CDKL5: variants seen among roughly 807,000 people sequenced by gnomAD.
The protein encoded by CDKL5 is cyclin-dependent kinase-like 5.
CDKL5 carries 8 observed loss-of-function variants against 61.7 expected under a neutral mutation model. The ratio of observed to expected loss-of-function variants is 0.13; its 90% CI spans 0.08 to 0.23. CDKL5 has a LOEUF of 0.23. Among genes scored for constraint, CDKL5 ranks in the 10% least tolerant of loss-of-function variants. The pLI is 1.00. For synonymous variants in CDKL5, 275 were observed against 272.3 expected, an observed-to-expected ratio of 1.01 and a Z score of -0.10; for missense variants, 440 against 734.5, an observed-to-expected ratio of 0.60 and a Z score of 4.63.
intron 16 of CDKL5, among the ~76,000 whole-genome samples, chrX:18,622,087 G>C (rs1301530819): frequency 8.9e-6 from 1 of 111,812 alleles, no homozygotes; most frequent in Non-Finnish European, 1.9e-5. Context: ...TTACTGTAGA[G>C]CAACATTAAA....
At chrX:18,547,138 A>G (rs1056618734) in intron 3 of CDKL5, among the ~76,000 whole-genome samples, 2 of 111,985 alleles carry the variant, frequency 1.8e-5, no homozygotes, top group African/African-American at 6.5e-5. Context: ...GGGCTTGAAA[A>G]ATGTTTATTG....
chrX:18,622,654 G>T (rs1926922876), intron 16 of CDKL5, among the ~76,000 whole-genome samples: 1 of 112,162 alleles, frequency 8.9e-6, no homozygotes, highest in South Asian at 3.7e-4. Flanking sequence ...AAGCTGAGGT[G>T]GATCCTAAAT....
At chrX:18,587,909 T>A (rs763212886) in intron 8 of CDKL5, 45 bp from the exon 9 acceptor site, 8 of 1,102,706 alleles carry the variant, frequency 7.3e-6, no homozygotes, top group Middle Eastern at 2.8e-4. Context: ...ATCAAAACAT[T>A]ATATTTTTTC....
chrX:18,472,779 AT>A (rs1243341979), intron 1 of CDKL5, among the ~76,000 whole-genome samples: 159 of 101,842 alleles, frequency 1.6e-3, no homozygotes, highest in Non-Finnish European at 1.5e-3. Flanking sequence ...ATAGTTTCTG[AT>A]TTTTTTTTTT....
chrX:18,501,001 G>C (rs1375196482), intron 1 of CDKL5, among the ~76,000 whole-genome samples: 1 of 110,455 alleles, frequency 9.1e-6, no homozygotes, highest in African/African-American at 3.3e-5. Flanking sequence ...ATCACACCCG[G>C]CTAATTTTTT....
intron 4 of CDKL5, among the ~76,000 whole-genome samples, chrX:18,569,725 C>A (rs998443246): frequency 9.0e-6 from 1 of 111,468 alleles, no homozygotes; most frequent in Admixed American, 9.6e-5. Context: ...TTTTGACATA[C>A]ATTTGGACCT....
chrX:18,507,634 T>C (rs999476371), intron 2 of CDKL5, among the ~76,000 whole-genome samples: 1 of 110,303 alleles, frequency 9.1e-6, no homozygotes, highest in South Asian at 3.8e-4. Flanking sequence ...TGCAGTGGCA[T>C]GATCTCGGCT....
At position 18,633,417 on chromosome X, in the gene CDKL5, C is replaced by T. The variant is rs1169001224; in HGVS notation, c.*4660C>T. On this transcript the variant is annotated 3_prime_UTR_variant, in exon 18 of 18. Coordinates refer to ENST00000623535, the MANE Select transcript of CDKL5 (RefSeq NM_001323289.2). Reference sequence around the variant, plus strand: ...AGTGTCCTGTCGCTAATTCCCAGGGCCAGAATCTCACAAGAAGATCCTCTC... The same window carrying T: ...AGTGTCCTGTCGCTAATTCCCAGGGTCAGAATCTCACAAGAAGATCCTCTC... 4 of 752,555 alleles carry T rather than the reference C, an allele frequency of 5.3e-6. No individual in the cohort carries two copies. In the African/African-American group the frequency reaches 9.2e-5, roughly 17 times the overall value. The allele number at this position is 752,555 out of a possible 1,213,427, so 62.0% of individuals were successfully genotyped here.
chrX:18,571,732 A>C (rs1925140572), intron 4 of CDKL5, among the ~76,000 whole-genome samples: 1 of 111,316 alleles, frequency 9.0e-6, no homozygotes, highest in Non-Finnish European at 1.9e-5. Flanking sequence ...ACTTAGAAAA[A>C]CAAAATTATA....
intron 1 of CDKL5, among the ~76,000 whole-genome samples, chrX:18,454,203 A>G (rs1280565554): frequency 2.7e-5 from 3 of 111,569 alleles, no homozygotes; most frequent in Non-Finnish European, 5.6e-5. Context: ...GAATGCACAT[A>G]TAACTATTTT....
In CDKL5 at chrX:18,628,354, C is replaced by A. The variant is rs780795025; in HGVS notation, c.2497-17C>A. Reference sequence around the variant, plus strand: ...CTCTAACTTGAATCCTGTGTGCATTCTCATCCTTTCTTTCAGAGCCAGCCA... The same window carrying A: ...CTCTAACTTGAATCCTGTGTGCATTATCATCCTTTCTTTCAGAGCCAGCCA... On this transcript the variant is annotated splice_polypyrimidine_tract_variant and intron_variant, in intron 17 of 17. Coordinates refer to ENST00000623535, the MANE Select transcript of CDKL5 (RefSeq NM_001323289.2). The A allele has an allele frequency of 6.6e-6, 8 of 1,208,582 alleles. No homozygotes were observed. Among genetic ancestry groups the A allele is most frequent in the Non-Finnish European group, 9.0e-6 (8 of 892,481 alleles).
intron 4 of CDKL5, among the ~76,000 whole-genome samples, chrX:18,572,776 A>G (rs933161442): frequency 1.8e-5 from 2 of 111,827 alleles, no homozygotes; most frequent in African/African-American, 6.5e-5. Context: ...TGTATTGATC[A>G]CCTCTCCTTG....
intron 3 of CDKL5, among the ~76,000 whole-genome samples, chrX:18,546,258 C>CTT (rs935420091): frequency 5.3e-4 from 48 of 90,482 alleles, no homozygotes; most frequent in East Asian, 1.0e-3. Context: ...TCTACTTCTT[C>CTT]TTTTTTTTTT....
At chrX:18,458,049 TA>T (rs1932189955) in intron 1 of CDKL5, among the ~76,000 whole-genome samples, 1 of 104,249 alleles carries the variant, frequency 9.6e-6, no homozygotes, top group Admixed American at 1.1e-4. Flanking sequence ...GCCTCCCGAG[TA>T]GCTGGGATTA....
chrX:18,492,249 G>A (rs1487621510), intron 1 of CDKL5, among the ~76,000 whole-genome samples: 2 of 110,872 alleles, frequency 1.8e-5, no homozygotes, highest in African/African-American at 6.6e-5. Context: ...ACTTTTTTAT[G>A]TTTAAGAGCC....
chrX:18,604,223 C>T lies in CDKL5; in HGVS notation c.1299C>T (p.Tyr433=). 2.5e-6 allele frequency: 3 copies of T among 1,211,742 alleles called. No individual in the cohort carries two copies. The highest frequency in any genetic ancestry group is 3.4e-6 in the Non-Finnish European group (3 of 895,300). The change falls in exon 12 of 18, where the codon TAC becomes TAT. Residue 433 remains tyrosine (Y), a synonymous_variant. Coordinates refer to ENST00000623535, the MANE Select transcript of CDKL5 (RefSeq NM_001323289.2). ...PKPSEGPGTK[Y]LKSNSRSQQN... is the part of the protein sequence containing the mutation. ...CTTCAGAAGGCCCAGGGACAAAGTA[C>T]CTCAAGTCAAACAGCAGATCTCAGC... is the stretch of plus-strand genomic sequence containing the variant.
At chrX:18,561,842 T>G (rs759605661) in intron 3 of CDKL5, among the ~76,000 whole-genome samples, 1 of 111,778 alleles carries the variant, frequency 8.9e-6, no homozygotes, top group East Asian at 2.8e-4. Flanking sequence ...AGGAAAGAAA[T>G]AATTAAAATA....
At chrX:18,441,807 G>A (rs1470524315) in intron 1 of CDKL5, among the ~76,000 whole-genome samples, 1 of 111,006 alleles carries the variant, frequency 9.0e-6, no homozygotes, top group Non-Finnish European at 1.9e-5. Context: ...ATTTTCTCCC[G>A]TCCCTTTCTC....
chrX:18,647,129 C>G, intron 20 of CDKL5: 1 of 1,174,290 alleles, frequency 8.5e-7, no homozygotes, highest in African/African-American at 1.8e-5. Flanking sequence ...GTTGGCCACG[C>G]TGGTAGAGAG....
Sources: gnomAD v4.1 joint callset for allele counts (sites outside exome capture counted in the v4.1 genomes callset) on GRCh38, gnomAD v4.1.1 for gene constraint, MANE v1.5 for transcripts, NCBI Gene and HGNC (gene_info 2026-07-23, HGNC 2026-07-21) for gene names.